Variants in ESRRG observed in about 807,000 individuals in gnomAD.
ESRRG encodes the protein estrogen related receptor gamma, also known as estrogen-related receptor gamma.
ESRRG carries 13 observed loss-of-function variants against 44.0 expected under a neutral mutation model. The observed-to-expected ratio is 0.30, with a 90% CI of 0.19 to 0.47. The LOEUF (loss-of-function observed/expected upper bound fraction) is 0.47. Among genes scored for constraint, ESRRG ranks in the 20% least tolerant of loss-of-function variants. The pLI, the probability that ESRRG is intolerant of heterozygous loss-of-function variation, is 1.00. For missense variants in ESRRG, 395 were observed against 580.6 expected (o/e 0.68, Z 3.29); for synonymous variants, 215 against 214.6 (o/e 1.00, Z -0.02).
chr1:216,703,683 GTA>G (rs1559317552), intron 1 of ESRRG, among the ~76,000 whole-genome samples: 5 of 144,888 alleles, frequency 3.5e-5, no homozygotes, highest in African/African-American at 1.3e-4. Context: ...GTGTGTGTGT[GTA>G]TGTTTGTGTG....
chr1:217,009,845 A>G (rs984155585), intron 1 of ESRRG, among the ~76,000 whole-genome samples: 4 of 151,014 alleles, frequency 2.6e-5, no homozygotes, highest in African/African-American at 9.7e-5. Context: ...AGCTGAGATT[A>G]CAGGTGCCTG....
chr1:216,612,736 T>C (rs1574093382), intron 3 of ESRRG, among the ~76,000 whole-genome samples: 1 of 152,220 alleles, frequency 6.6e-6, no homozygotes, highest in East Asian at 1.9e-4. Flanking sequence ...CAAAACTGCT[T>C]TGTGGGACTT....
chr1:216,706,478 T>C (rs967872899), intron 1 of ESRRG, among the ~76,000 whole-genome samples: 13 of 152,210 alleles, frequency 8.5e-5, no homozygotes, highest in South Asian at 6.2e-4. Context: ...CTTTGTCTGA[T>C]ATTTCTGGTG....
chr1:217,054,839 T>C (rs1310412113), intron 1 of ESRRG, among the ~76,000 whole-genome samples: 1 of 152,046 alleles, frequency 6.6e-6, no homozygotes, highest in Non-Finnish European at 1.5e-5. Flanking sequence ...CGGTCATTGA[T>C]TATAATATCA....
At chr1:216,825,658 C>T (rs555183389) in intron 2 of ESRRG, among the ~76,000 whole-genome samples, 1 of 152,180 alleles carries the variant, frequency 6.6e-6, no homozygotes, top group South Asian at 2.1e-4. Context: ...CCTATGGATG[C>T]TAGAAGTGTA....
At chr1:216,778,864 GA>G (rs995282135) in intron 2 of ESRRG, among the ~76,000 whole-genome samples, 1 of 151,316 alleles carries the variant, frequency 6.6e-6, no homozygotes, top group African/African-American at 2.4e-5. Flanking sequence ...AAACATACTG[GA>G]GATGAGACAG....
At chr1:216,521,297 T>G (rs1572176955) in intron 5 of ESRRG, among the ~76,000 whole-genome samples, 1 of 152,148 alleles carries the variant, frequency 6.6e-6, no homozygotes, top group East Asian at 1.9e-4. Flanking sequence ...TCCAGATGCT[T>G]TTAATTTTAG....
chr1:216,744,563 ATTTC>A (rs2091165286), intron 2 of ESRRG, among the ~76,000 whole-genome samples: 1 of 152,090 alleles, frequency 6.6e-6, no homozygotes, highest in African/African-American at 2.4e-5. Flanking sequence ...AAACACACAG[ATTTC>A]AGGCAAAAAC....
intron 1 of ESRRG, among the ~76,000 whole-genome samples, chr1:216,965,141 C>T (rs957443037): frequency 1.0e-4 from 15 of 146,988 alleles, no homozygotes; most frequent in South Asian, 4.4e-4. Context: ...GTTATGCAAC[C>T]GAAAAGTTAC....
At chr1:216,538,081 C>T (rs960904136) in intron 5 of ESRRG, among the ~76,000 whole-genome samples, 4 of 151,916 alleles carry the variant, frequency 2.6e-5, no homozygotes, top group African/African-American at 9.7e-5. Flanking sequence ...CTTTAATAAC[C>T]TCAAACAGAG....
intron 5 of ESRRG, among the ~76,000 whole-genome samples, chr1:216,533,086 T>C (rs1471597983): frequency 1.3e-5 from 2 of 152,196 alleles, no homozygotes; most frequent in African/African-American, 4.8e-5. Context: ...AGCTCAATTA[T>C]AATTTCCTTG....
intron 3 of ESRRG, among the ~76,000 whole-genome samples, chr1:216,619,075 A>G (rs1025793432): frequency 5.3e-5 from 8 of 152,226 alleles, no homozygotes; most frequent in Non-Finnish European, 1.2e-4. Context: ...TCACACCAAC[A>G]TATGCATTCT....
intron 1 of ESRRG, among the ~76,000 whole-genome samples, chr1:217,042,641 C>T (rs528419085): frequency 2.6e-5 from 4 of 151,832 alleles, no homozygotes; most frequent in South Asian, 4.2e-4. Context: ...CAAACAGTAT[C>T]GGTATAAGTG....
intron 2 of ESRRG, among the ~76,000 whole-genome samples, chr1:216,923,766 C>T (rs988603517): frequency 2.0e-5 from 3 of 152,180 alleles, no homozygotes; most frequent in African/African-American, 4.8e-5. Flanking sequence ...CTTTTACTTG[C>T]CTGACCACCT....
At chr1:216,723,433 C>T, upstream of ESRRG, 1 of 772,978 alleles carries the variant, frequency 1.3e-6, no homozygotes, top group Non-Finnish European at 2.3e-6. Context: ...AAAGCTCTCA[C>T]ACTCTCCTAA....
intron 2 of ESRRG, among the ~76,000 whole-genome samples, chr1:216,759,380 A>T (rs1488527287): frequency 1.3e-5 from 2 of 152,064 alleles, no homozygotes; most frequent in Non-Finnish European, 2.9e-5. Context: ...GGAAACTTTC[A>T]GGTTCCAGCT....
At chr1:216,528,164 C>CA (rs1307601165) in intron 5 of ESRRG, among the ~76,000 whole-genome samples, 1 of 152,090 alleles carries the variant, frequency 6.6e-6, no homozygotes, top group Non-Finnish European at 1.5e-5. Flanking sequence ...CAACATATAA[C>CA]AAAAAGGGGT....
chr1:216,541,661 A>G (rs2052823427), intron 5 of ESRRG, among the ~76,000 whole-genome samples: 1 of 151,666 alleles, frequency 6.6e-6, no homozygotes, highest in Non-Finnish European at 1.5e-5. Flanking sequence ...GGACATATAA[A>G]GAGAAGCTAT....
In ESRRG at chr1:216,700,104, T is replaced by A. The variant is rs941704749; in HGVS notation, c.57-22613A>T. Among the ~76,000 whole-genome samples, 5 of 139,474 alleles carry A rather than the reference T, an allele frequency of 3.6e-5. 1 individual carries two copies. The highest frequency in any genetic ancestry group is 7.7e-5 in the Non-Finnish European group (5 of 65,316). 91.5% of individuals were successfully genotyped at this position (139,474 alleles called of 152,430 possible). Reference sequence around the variant, plus strand: ...TACCTCATCTCCGCTGCTTCTATTATACTCCCCGCAGCCCCGCACCTTTTT... The same window carrying A: ...TACCTCATCTCCGCTGCTTCTATTAAACTCCCCGCAGCCCCGCACCTTTTT... On this transcript the variant is annotated intron_variant, in intron 1 of 6. Coordinates refer to ENST00000408911, the MANE Select transcript of ESRRG (RefSeq NM_001438.4).
Sources: gnomAD v4.1 joint callset for allele counts (sites outside exome capture counted in the v4.1 genomes callset) on GRCh38, gnomAD v4.1.1 for gene constraint, MANE v1.5 for transcripts, NCBI Gene and HGNC (gene_info 2026-07-23, HGNC 2026-07-21) for gene names.